Variants in DSCAM observed in about 807,000 individuals in gnomAD.
DSCAM encodes the protein DS cell adhesion molecule, also known as cell adhesion molecule DSCAM.
Under a neutral mutation model 217.7 loss-of-function variants are expected in DSCAM, and 47 were observed. That is an observed-to-expected ratio of 0.22 (90% CI 0.17 to 0.28). The LOEUF is 0.28. Ranked by LOEUF, DSCAM falls within the 10% of genes least tolerant of loss-of-function variation. DSCAM has a pLI of 1.00. For missense variants in DSCAM, 2,080 were observed against 2,618.3 expected, an observed-to-expected ratio of 0.79 and a Z score of 4.49; for synonymous variants, 1,056 against 1,015.3, an observed-to-expected ratio of 1.04 and a Z score of -0.76.
intron 3 of DSCAM, among the ~76,000 whole-genome samples, chr21:40,430,256 A>C (rs1265151924): frequency 3.3e-5 from 5 of 152,198 alleles, no homozygotes; most frequent in Non-Finnish European, 7.3e-5. Context: ...GTTAATACTG[A>C]GTGTCAACTT....
intron 11 of DSCAM, among the ~76,000 whole-genome samples, chr21:40,192,723 A>G (rs1294727840): frequency 6.6e-6 from 1 of 152,174 alleles, no homozygotes; most frequent in Admixed American, 6.5e-5. Flanking sequence ...TAATGTTGTC[A>G]AGGTTCATCC....
chr21:40,716,548 G>T (rs946395371), intron 1 of DSCAM, among the ~76,000 whole-genome samples: 4 of 152,186 alleles, frequency 2.6e-5, no homozygotes, highest in Non-Finnish European at 5.9e-5. Flanking sequence ...TTCTTCAGTT[G>T]CAGACTTCTC....
intron 11 of DSCAM, among the ~76,000 whole-genome samples, chr21:40,208,788 G>A (rs184540474): frequency 2.6e-5 from 4 of 152,278 alleles, no homozygotes; most frequent in Admixed American, 2.6e-4. Flanking sequence ...AATATGGAGA[G>A]GCAGCTGCGG....
intron 3 of DSCAM, among the ~76,000 whole-genome samples, chr21:40,406,873 C>T (rs1013142751): frequency 5.3e-5 from 8 of 152,168 alleles, no homozygotes; most frequent in Non-Finnish European, 1.5e-5. Flanking sequence ...CCTGCCTCGA[C>T]CTCCCAGAAT....
intron 3 of DSCAM, among the ~76,000 whole-genome samples, chr21:40,467,889 C>T (rs1011548677): frequency 6.8e-6 from 1 of 146,090 alleles, no homozygotes; most frequent in East Asian, 2.0e-4. Flanking sequence ...GCAAGCTTGC[C>T]TCCCATTTTA....
chr21:40,565,258 A>G (rs1398381268), intron 3 of DSCAM, among the ~76,000 whole-genome samples: 1 of 152,138 alleles, frequency 6.6e-6, no homozygotes, highest in Non-Finnish European at 1.5e-5. Context: ...CCATTTAGGG[A>G]AATTAGAGAC....
At chr21:40,157,854 C>T (rs962442956) in intron 16 of DSCAM, among the ~76,000 whole-genome samples, 1 of 152,000 alleles carries the variant, frequency 6.6e-6, no homozygotes, top group Non-Finnish European at 1.5e-5. Context: ...ACCACCACAC[C>T]CAGCTATTTT....
At chr21:40,532,868 C>CTGTGTGTGTGTGTGTG (rs58575678) in intron 3 of DSCAM, among the ~76,000 whole-genome samples, 2 of 145,918 alleles carry the variant, frequency 1.4e-5, no homozygotes, top group Non-Finnish European at 3.0e-5. Context: ...CCACAAGGCT[C>CTGTGTGTGTGTGTGTG]TGTGTGTGTG....
intron 1 of DSCAM, among the ~76,000 whole-genome samples, chr21:40,819,610 C>T (rs929609421): frequency 7.2e-5 from 11 of 152,140 alleles, no homozygotes; most frequent in African/African-American, 2.7e-4. Context: ...TCATTGTGGG[C>T]CAAGCTGTTG....
chr21:40,393,876 T>A (rs925656437), intron 3 of DSCAM, among the ~76,000 whole-genome samples: 1 of 152,232 alleles, frequency 6.6e-6, no homozygotes, highest in African/African-American at 2.4e-5. Context: ...ATTTTAATAC[T>A]GTGTAATAAT....
intron 20 of DSCAM, among the ~76,000 whole-genome samples, chr21:40,112,679 T>C (rs1428539052): frequency 6.6e-6 from 1 of 151,740 alleles, no homozygotes; most frequent in Non-Finnish European, 1.5e-5. Context: ...GCAAGACTAA[T>C]AAAGAAGAAA....
intron 27 of DSCAM, among the ~76,000 whole-genome samples, chr21:40,064,381 C>CA (rs1021689374): frequency 1.2e-4 from 18 of 152,148 alleles, no homozygotes; most frequent in African/African-American, 3.4e-4. Context: ...CTGCCCGCCA[C>CA]AATAATCTCT....
At chr21:40,793,173 T>C (rs1238085982) in intron 1 of DSCAM, among the ~76,000 whole-genome samples, 1 of 152,222 alleles carries the variant, frequency 6.6e-6, no homozygotes, top group East Asian at 1.9e-4. Flanking sequence ...TAAAATGTTA[T>C]TGAACTCTTA....
chr21:40,687,240 T>TAAA (rs920299369), intron 3 of DSCAM, among the ~76,000 whole-genome samples: 1 of 152,236 alleles, frequency 6.6e-6, no homozygotes, highest in Non-Finnish European at 1.5e-5. Flanking sequence ...AATGCTTCTT[T>TAAA]AATTCTGCAA....
chr21:40,567,405 C>T (rs887001848), intron 3 of DSCAM, among the ~76,000 whole-genome samples: 11 of 152,376 alleles, frequency 7.2e-5, no homozygotes, highest in Middle Eastern at 3.4e-3. Flanking sequence ...CAGAGCTCTG[C>T]GTTTCCGCAT....
intron 3 of DSCAM, among the ~76,000 whole-genome samples, chr21:40,582,031 C>T (rs1034969809): frequency 5.3e-5 from 8 of 152,100 alleles, no homozygotes; most frequent in African/African-American, 1.9e-4. Flanking sequence ...GTGGTTGAGT[C>T]ACAAGGTAAT....
At chr21:40,300,697 G>T (rs1427886898) in intron 9 of DSCAM, among the ~76,000 whole-genome samples, 2 of 152,222 alleles carry the variant, frequency 1.3e-5, no homozygotes, top group Non-Finnish European at 2.9e-5. Context: ...ATCCAGTGGG[G>T]CAATTATGAG....
At chr21:40,216,825 T>A (rs2091248014) in intron 11 of DSCAM, among the ~76,000 whole-genome samples, 2 of 152,202 alleles carry the variant, frequency 1.3e-5, no homozygotes, top group Admixed American at 6.5e-5. Context: ...GCTGCTGCCC[T>A]GTTAGAATGT....
chr21:40,520,664 G>A lies in DSCAM; in HGVS notation c.509-151419C>T, dbSNP rs1481332333. 2.6e-5 allele frequency among the ~76,000 whole-genome samples: 4 copies of A among 151,962 alleles called. No individual in the cohort carries two copies. The South Asian group carries it at 6.2e-4, about 24-fold the overall frequency. On this transcript the variant is annotated intron_variant, in intron 3 of 32. Transcript: ENST00000400454. ...TCTATTAAAAATAAAAAAATTAGCC[G>A]GGCATGGTGGTGTGTGCCTGTAGTC...
Sources: gnomAD v4.1 joint callset for allele counts (sites outside exome capture counted in the v4.1 genomes callset) on GRCh38, gnomAD v4.1.1 for gene constraint, MANE v1.5 for transcripts, NCBI Gene and HGNC (gene_info 2026-07-23, HGNC 2026-07-21) for gene names.